The following ZDHHC13 variants were observed in gnomAD, a reference collection of about 807,000 sequenced individuals.
ZDHHC13 encodes the protein palmitoyltransferase ZDHHC13.
ZDHHC13 carries 85 observed loss-of-function variants against 86.0 expected under a neutral mutation model. The observed-to-expected ratio is 0.99, with a 90% CI of 0.83 to 1.18. The LOEUF is 1.18. Among genes scored for constraint, ZDHHC13 ranks in the 50% most tolerant of loss-of-function variants. The pLI is 0.00. For missense variants in ZDHHC13, 711 were observed against 730.2 expected (o/e 0.97, Z 0.30); for synonymous variants, 263 against 246.4 (o/e 1.07, Z -0.63).
At chr11:19,132,324 A>C (rs1364583611) in intron 1 of ZDHHC13, among the ~76,000 whole-genome samples, 1 of 152,150 alleles carries the variant, frequency 6.6e-6, no homozygotes, top group African/African-American at 2.4e-5. Context: ...GATATAGTTC[A>C]TCCCTACTTC....
intron 9 of ZDHHC13, 124 bp from the exon 10 acceptor site, chr11:19,158,816 A>G (rs552293037): frequency 1.1e-4 from 65 of 605,866 alleles, no homozygotes; most frequent in Non-Finnish European, 1.3e-4. Context: ...GTAAGCACTC[A>G]GTATGTGAAA....
intron 6 of ZDHHC13, among the ~76,000 whole-genome samples, chr11:19,151,530 G>A (rs995316542): frequency 1.3e-5 from 2 of 151,942 alleles, no homozygotes; most frequent in Non-Finnish European, 2.9e-5. Flanking sequence ...TCTCTTCTGT[G>A]CTGGTAAATC....
At chr11:19,173,059 G>A (rs951908142) in intron 16 of ZDHHC13, among the ~76,000 whole-genome samples, 1 of 152,202 alleles carries the variant, frequency 6.6e-6, no homozygotes, top group African/African-American at 2.4e-5. Context: ...AAGTGACTTT[G>A]AAGTTTTGCC....
chr11:19,127,483 G>C (rs1848902883), intron 1 of ZDHHC13, among the ~76,000 whole-genome samples: 2 of 152,142 alleles, frequency 1.3e-5, no homozygotes, highest in South Asian at 4.2e-4. Flanking sequence ...TTTTGCTTTT[G>C]TTGCCATTGC....
intron 6 of ZDHHC13, among the ~76,000 whole-genome samples, chr11:19,151,470 T>C (rs1196578550): frequency 2.0e-5 from 3 of 152,054 alleles, no homozygotes; most frequent in Non-Finnish European, 4.4e-5. Context: ...TATTTCCTTT[T>C]TGTTCATGGA....
At chr11:19,135,255 C>T (rs1565022905) in intron 1 of ZDHHC13, among the ~76,000 whole-genome samples, 1 of 152,242 alleles carries the variant, frequency 6.6e-6, no homozygotes. Flanking sequence ...CGTTGCCTCA[C>T]TTGGGAAGCA....
chr11:19,149,961 C>G (rs1011930352), intron 5 of ZDHHC13, among the ~76,000 whole-genome samples: 1 of 152,208 alleles, frequency 6.6e-6, no homozygotes, highest in Non-Finnish European at 1.5e-5. Context: ...TAAGCACTTT[C>G]TCTCAGACTT....
Position 19,133,352 on chromosome 11 carries a change from C to CATATATATATATATATATATATAT in ZDHHC13, c.28-9609_28-9608insTATATATATATATATATATATATA, listed in dbSNP as rs149739194. 1.4e-4 allele frequency among the ~76,000 whole-genome samples: 20 copies of CATATATATATATATATATATATAT among 144,906 alleles called. 1 individual carries two copies. The highest frequency in any genetic ancestry group is 4.8e-4 in the African/African-American group (19 of 39,608). On this transcript the variant is annotated intron_variant, in intron 1 of 16. Transcript: ENST00000446113. ...GATATATGCTTTTGAGAATTGTTTA[C>CATATATATATATATATATATATAT]ATATATATATATATATACCCACACA...
At chr11:19,171,478 AAAG>A (rs1178827098) in intron 15 of ZDHHC13, among the ~76,000 whole-genome samples, 1 of 152,210 alleles carries the variant, frequency 6.6e-6, no homozygotes, top group African/African-American at 2.4e-5. Flanking sequence ...AGGGAAAAAG[AAAG>A]AAAGAGAAAA....
chr11:19,162,930 G>T (rs1044651664), intron 10 of ZDHHC13, among the ~76,000 whole-genome samples: 5 of 152,076 alleles, frequency 3.3e-5, no homozygotes, highest in South Asian at 2.1e-4. Flanking sequence ...AATCAAGAGG[G>T]TTGTTTCTTT....
At chr11:19,149,426 G>A (rs1278994940) in intron 5 of ZDHHC13, 95 bp downstream of exon 5, 8 of 1,218,734 alleles carry the variant, frequency 6.6e-6, no homozygotes, top group Non-Finnish European at 8.7e-6. Flanking sequence ...TTAAAGTGGA[G>A]GTTAATGGAT....
intron 10 of ZDHHC13, among the ~76,000 whole-genome samples, chr11:19,162,960 A>G (rs2133458148): frequency 6.6e-6 from 1 of 152,282 alleles, no homozygotes; most frequent in South Asian, 2.1e-4. Flanking sequence ...TGTTAAAATG[A>G]TCAAAGAATA....
intron 1 of ZDHHC13, among the ~76,000 whole-genome samples, chr11:19,127,002 T>C (rs1323238651): frequency 1.3e-5 from 2 of 152,204 alleles, no homozygotes; most frequent in Non-Finnish European, 2.9e-5. Flanking sequence ...GGTTGAATGG[T>C]AGTTCTGCTT....
chr11:19,142,033 C>CG lies in ZDHHC13; in HGVS notation c.28-945_28-944insG, dbSNP rs139109746. On this transcript the variant is annotated intron_variant, in intron 1 of 16. Transcript: ENST00000446113. ...TTAACCAACTGAGCTAGCACGCCAC[C>CG]CGTAACACCTATTTATTATGTCATA... Among the ~76,000 whole-genome samples the CG allele has an allele frequency of 6.9e-3, 1,044 of 152,224 alleles. 9 individuals are homozygous for CG. Among genetic ancestry groups the CG allele is most frequent in the African/African-American group, 0.024 (985 of 41,542 alleles).
chr11:19,155,722 T>A, intron 8 of ZDHHC13, 74 bp from the exon 9 acceptor site: 1 of 1,497,706 alleles, frequency 6.7e-7, no homozygotes. Flanking sequence ...TGGAAGTAGT[T>A]CTTATATTGC....
rs751352499 is a variant in ZDHHC13 at position 19,172,817 on chromosome 11, A to G, written c.1727A>G (p.Tyr576Cys). ...ACGTTGTCCCTCAGGAAGACACCATACAAGTAAGCGAGACCTGTTTTGGAT... is the reference window on the plus strand; with the variant it reads ...ACGTTGTCCCTCAGGAAGACACCATGCAAGTAAGCGAGACCTGTTTTGGAT... ...KQTLSLRKTPYNLGFMQNLAD... is the reference protein window; with the variant it reads ...KQTLSLRKTPCNLGFMQNLAD... Residue 576 changes from tyrosine to cysteine, a missense_variant, in exon 16 of 17, where the codon TAC (tyrosine) becomes TGC (cysteine). Coordinates refer to ENST00000446113, the MANE Select transcript of ZDHHC13 (RefSeq NM_019028.3). The G allele has an allele frequency of 1.3e-6, 2 of 1,597,308 alleles. No homozygotes were observed. Among genetic ancestry groups the G allele is most frequent in the Non-Finnish European group, 1.7e-6 (2 of 1,172,076 alleles).
At chr11:19,153,987 T>A (rs1351421238) in intron 8 of ZDHHC13, among the ~76,000 whole-genome samples, 3 of 152,174 alleles carry the variant, frequency 2.0e-5, no homozygotes, top group Non-Finnish European at 4.4e-5. Flanking sequence ...GTTCAGCAGA[T>A]GAATCTTCTA....
rs1312052974 is a variant in ZDHHC13 at position 19,172,825 on chromosome 11, G to A, written c.1730+5G>A. On this transcript the variant is annotated splice_donor_5th_base_variant and intron_variant, in intron 16 of 16. Coordinates refer to ENST00000446113, the MANE Select transcript of ZDHHC13 (RefSeq NM_019028.3). ...CCTCAGGAAGACACCATACAAGTAAGCGAGACCTGTTTTGGATGCTGAGTC... is the reference window on the plus strand; with the variant it reads ...CCTCAGGAAGACACCATACAAGTAAACGAGACCTGTTTTGGATGCTGAGTC... The A allele has an allele frequency of 1.9e-6, 3 of 1,591,244 alleles. No homozygotes were observed. Among genetic ancestry groups the A allele is most frequent in the East Asian group, 2.3e-5 (1 of 44,006 alleles).
Position 19,170,472 on chromosome 11 carries a change from G to A in ZDHHC13, c.1536G>A (p.Gln512=). ...ATGGATTATGGACTTACCTCAATCAGATTGTGGCCTGTTCCCCTTGGGTTT... is the reference window on the plus strand; with the variant it reads ...ATGGATTATGGACTTACCTCAATCAAATTGTGGCCTGTTCCCCTTGGGTTT... ...KEDGLWTYLN[Q]IVACSPWVLY... The change falls in exon 15 of 17, where the codon CAG becomes CAA. Residue 512 remains glutamine, a synonymous_variant. Transcript: ENST00000446113. 2 of 1,518,900 alleles carry A rather than the reference G, an allele frequency of 1.3e-6. No individual in the cohort carries two copies. Among genetic ancestry groups the A allele is most frequent in the Non-Finnish European group, 8.8e-7 (1 of 1,133,132 alleles). 94.1% of individuals were successfully genotyped at this position (1,518,900 alleles called of 1,614,324 possible). A position where few individuals can be genotyped will look rare whatever the true frequency, so the allele number is the denominator to read the frequency against.
Sources: gnomAD v4.1 joint callset for allele counts (sites outside exome capture counted in the v4.1 genomes callset) on GRCh38, gnomAD v4.1.1 for gene constraint, MANE v1.5 for transcripts, NCBI Gene and HGNC (gene_info 2026-07-23, HGNC 2026-07-21) for gene names.